SCN9A: variants seen among roughly 807,000 people sequenced by gnomAD.
SCN9A encodes the protein sodium channel protein type 9 subunit alpha.
A neutral mutation model predicts 187.0 loss-of-function variants in SCN9A; 131 were observed. That is an observed-to-expected ratio of 0.70 (90% CI 0.61 to 0.81). SCN9A has a LOEUF of 0.81. SCN9A is among the 30% of genes least tolerant of loss of function. The probability of loss-of-function intolerance (pLI) is 0.00; values close to 1 mark genes in which losing one functional copy is unlikely to be tolerated. For synonymous variants in SCN9A, 809 were observed against 808.6 expected, an observed-to-expected ratio of 1.00 and a Z score of -0.01; for missense variants, 2,252 against 2,396.6, an observed-to-expected ratio of 0.94 and a Z score of 1.26.
chr2:166,278,934 A>G (rs7597740), intron 14 of SCN9A, among the ~76,000 whole-genome samples: 1 of 151,918 alleles, frequency 6.6e-6, no homozygotes, highest in African/African-American at 2.4e-5. Flanking sequence ...CTTTGGGTAC[A>G]CTTTGACTCA....
At chr2:166,309,317 T>A (rs6719276) in intron 2 of SCN9A, among the ~76,000 whole-genome samples, 27 of 152,108 alleles carry the variant, frequency 1.8e-4, no homozygotes, top group East Asian at 5.8e-4. Flanking sequence ...ATTTTCATTC[T>A]CATTAAAAAC....
intron 24 of SCN9A, among the ~76,000 whole-genome samples, chr2:166,223,464 C>G (rs1056565967): frequency 6.6e-6 from 1 of 152,114 alleles, no homozygotes; most frequent in African/African-American, 2.4e-5. Flanking sequence ...TAAATTTATG[C>G]TGAGTGAAGT....
At chr2:166,206,869 A>G (rs1693831635) in intron 24 of SCN9A, among the ~76,000 whole-genome samples, 1 of 152,216 alleles carries the variant, frequency 6.6e-6, no homozygotes, top group Non-Finnish European at 1.5e-5. Context: ...TTGGATGTCA[A>G]CATTATCCTT....
intron 24 of SCN9A, among the ~76,000 whole-genome samples, chr2:166,225,693 T>TAAGATG (rs1433080119): frequency 1.3e-5 from 2 of 152,154 alleles, no homozygotes; most frequent in Non-Finnish European, 2.9e-5. Context: ...CAGATGTAAT[T>TAAGATG]AAGATGAAGT....
intron 7 of SCN9A, among the ~76,000 whole-genome samples, chr2:166,296,472 G>A (rs928192875): frequency 2.6e-5 from 4 of 152,154 alleles, no homozygotes; most frequent in Non-Finnish European, 5.9e-5. Flanking sequence ...CCTGAACCTC[G>A]GGAAGGATGG....
chr2:166,339,101 G>A (rs944831787), intron 1 of SCN9A, among the ~76,000 whole-genome samples: 1 of 152,124 alleles, frequency 6.6e-6, no homozygotes, highest in Non-Finnish European at 1.5e-5. Context: ...AATTCAATCA[G>A]TGAGTAGTTT....
chr2:166,294,604 A>G lies in SCN9A; in HGVS notation c.960T>C (p.Asp320=). Residue 320 remains aspartate (D), a synonymous_variant, in exon 8 of 27, where the codon GAT becomes GAC. Coordinates refer to ENST00000642356, the MANE Select transcript of SCN9A (RefSeq NM_001365536.1). ...KDALLCGFST[D]SGQCPEGYTC... is the part of the protein sequence containing the mutation. The stretch of plus-strand genomic sequence containing the variant: ...AGAAAACAAATATTACATACCCTGA[A>G]TCTGTGCTGAAACCACAAAGGAGAG... The G allele has an allele frequency of 1.2e-6, 2 of 1,608,896 alleles. No individual in the cohort carries two copies. Among genetic ancestry groups the G allele is most frequent in the Non-Finnish European group, 1.7e-6 (2 of 1,176,164 alleles).
chr2:166,274,983 G>A (rs916803575), intron 16 of SCN9A, among the ~76,000 whole-genome samples: 8 of 152,034 alleles, frequency 5.3e-5, no homozygotes, highest in Non-Finnish European at 1.2e-4. Flanking sequence ...CCACTTTTCT[G>A]TGCCCTAATA....
intron 1 of SCN9A, among the ~76,000 whole-genome samples, chr2:166,328,765 T>C (rs1699427485): frequency 6.6e-6 from 1 of 152,008 alleles, no homozygotes; most frequent in Admixed American, 6.6e-5. Context: ...AGCAATAAGG[T>C]TTATGTTTTA....
chr2:166,366,192 A>G (rs1700410982), intron 1 of SCN9A, among the ~76,000 whole-genome samples: 2 of 152,198 alleles, frequency 1.3e-5, no homozygotes, highest in South Asian at 4.1e-4. Context: ...CTAGGCTAAG[A>G]TAAATCAGTT....
intron 21 of SCN9A, 128 bp downstream of exon 21, chr2:166,233,208 TACAC>T (rs1209039617): frequency 1.2e-5 from 7 of 560,358 alleles, no homozygotes; most frequent in Non-Finnish European, 2.0e-5. Flanking sequence ...TATGTATATG[TACAC>T]ACACATACAT....
intron 10 of SCN9A, 137 bp downstream of exon 10, chr2:166,288,300 A>T (rs1697879616): frequency 1.6e-6 from 1 of 609,540 alleles, no homozygotes; most frequent in Non-Finnish European, 2.7e-6. Context: ...TCCACACCAG[A>T]AATGAGGATA....
chr2:166,356,769 G>C (rs569138531), intron 1 of SCN9A, among the ~76,000 whole-genome samples: 1 of 152,012 alleles, frequency 6.6e-6, no homozygotes, highest in South Asian at 2.1e-4. Flanking sequence ...ATCAGACTTG[G>C]AAATCTTTCT....
chr2:166,269,556 G>C (rs995775408), intron 17 of SCN9A, among the ~76,000 whole-genome samples: 1 of 151,976 alleles, frequency 6.6e-6, no homozygotes, highest in African/African-American at 2.4e-5. Flanking sequence ...TATAACTCTA[G>C]ATTTATAACT....
chr2:166,261,296 C>T (rs1381740762), intron 17 of SCN9A, among the ~76,000 whole-genome samples: 1 of 151,878 alleles, frequency 6.6e-6, no homozygotes, highest in East Asian at 1.9e-4. Flanking sequence ...CCTGCCTCAG[C>T]CAGGCTACCT....
At chr2:166,251,320 A>C (rs1696026442) in intron 18 of SCN9A, among the ~76,000 whole-genome samples, 1 of 152,092 alleles carries the variant, frequency 6.6e-6, no homozygotes, top group South Asian at 2.1e-4. Flanking sequence ...AAAAGACCAA[A>C]GGTAGACTAT....
intron 5 of SCN9A, among the ~76,000 whole-genome samples, chr2:166,304,662 A>C (rs1264073549): frequency 6.6e-6 from 1 of 152,110 alleles, no homozygotes; most frequent in Non-Finnish European, 1.5e-5. Context: ...AGTGTCAGAC[A>C]CAAAAGGCTG....
intron 16 of SCN9A, 81 bp from the exon 17 acceptor site, chr2:166,272,956 C>A: frequency 1.6e-6 from 1 of 637,544 alleles, no homozygotes; most frequent in South Asian, 4.2e-5. Flanking sequence ...TACACTTTTC[C>A]GAATATAGGC....
In SCN9A at chr2:166,291,807, A is replaced by G. The variant is rs550126422; in HGVS notation, c.1107+1424T>C. ...TCTGATCTTCGACAAACCTGACAAA[A>G]ACAAGCAATGTGGAAAGGATTCCCT... is the stretch of plus-strand genomic sequence containing the variant. On this transcript the variant is annotated intron_variant, in intron 9 of 26. Coordinates refer to ENST00000642356, the MANE Select transcript of SCN9A (RefSeq NM_001365536.1). Among the ~76,000 whole-genome samples the G allele has an allele frequency of 4.4e-3, 673 of 152,320 alleles. 2 individuals carry two copies. The highest frequency in any genetic ancestry group is 0.016 in the African/African-American group (646 of 41,570).
Sources: allele counts gnomAD v4.1 joint callset (sites outside exome capture counted in the v4.1 genomes callset), GRCh38; gene constraint gnomAD v4.1.1; transcripts MANE v1.5; gene names NCBI Gene and HGNC (gene_info 2026-07-23, HGNC 2026-07-21).